ZBTB7C: variants seen among roughly 807,000 people sequenced by gnomAD.
ZBTB7C encodes the protein zinc finger and BTB domain containing 7C.
Under a neutral mutation model 25.7 loss-of-function variants are expected in ZBTB7C, and 8 were observed. The observed-to-expected ratio is 0.31, with a 90% confidence interval of 0.18 to 0.56. ZBTB7C has a LOEUF of 0.56. Among genes scored for constraint, ZBTB7C ranks in the 20% least tolerant of loss-of-function variants. The pLI, the probability that ZBTB7C is intolerant of heterozygous loss-of-function variation, is 0.91. For synonymous variants in ZBTB7C, 394 were observed against 369.0 expected (o/e 1.07, Z -0.78); for missense variants, 824 against 855.2 (o/e 0.96, Z 0.46).
At chr18:48,036,959 G>A (rs1024163397) in intron 4 of ZBTB7C, among the ~76,000 whole-genome samples, 2 of 152,354 alleles carry the variant, frequency 1.3e-5, no homozygotes, top group Non-Finnish European at 2.9e-5. Context: ...TCCAGAGATG[G>A]GGTGAGAAGC....
chr18:48,105,046 TTC>T (rs1189982376), intron 3 of ZBTB7C, among the ~76,000 whole-genome samples: 1 of 152,222 alleles, frequency 6.6e-6, no homozygotes, highest in Non-Finnish European at 1.5e-5. Flanking sequence ...GGGGATGTCT[TTC>T]AACAGGATAG....
At chr18:48,335,458 T>G (rs967545421) in intron 2 of ZBTB7C, among the ~76,000 whole-genome samples, 20 of 152,138 alleles carry the variant, frequency 1.3e-4, no homozygotes, top group Non-Finnish European at 4.4e-5. Flanking sequence ...GAGTCCTGAA[T>G]CCAGTTGCTG....
At chr18:48,067,734 G>A (rs1221826706) in intron 3 of ZBTB7C, among the ~76,000 whole-genome samples, 1 of 152,170 alleles carries the variant, frequency 6.6e-6, no homozygotes, top group Non-Finnish European at 1.5e-5. Context: ...GGGCATGGTG[G>A]CTCATGCCTG....
chr18:48,087,053 G>A (rs755710605), intron 3 of ZBTB7C, among the ~76,000 whole-genome samples: 2 of 152,186 alleles, frequency 1.3e-5, no homozygotes, highest in Non-Finnish European at 2.9e-5. Context: ...AACACTGAAA[G>A]TCAGAAATGT....
At chr18:48,194,767 G>A (rs1044101926) in intron 2 of ZBTB7C, among the ~76,000 whole-genome samples, 1 of 152,022 alleles carries the variant, frequency 6.6e-6, no homozygotes, top group Non-Finnish European at 1.5e-5. Context: ...CCAAATGCCC[G>A]CCAGCTGACT....
At chr18:48,382,809 G>A (rs941584763) in intron 1 of ZBTB7C, among the ~76,000 whole-genome samples, 2 of 152,176 alleles carry the variant, frequency 1.3e-5, no homozygotes, top group African/African-American at 4.8e-5. Flanking sequence ...AATGGCCCAT[G>A]GAATAACAGA....
chr18:48,378,413 A>C (rs1186553867), intron 1 of ZBTB7C, among the ~76,000 whole-genome samples: 1 of 152,090 alleles, frequency 6.6e-6, no homozygotes, highest in East Asian at 1.9e-4. Flanking sequence ...TCAGCACATT[A>C]CCCTCCAGGC....
chr18:48,143,100 T>G (rs1445930110), intron 3 of ZBTB7C, among the ~76,000 whole-genome samples: 2 of 152,154 alleles, frequency 1.3e-5, no homozygotes, highest in African/African-American at 4.8e-5. Context: ...GGCAAACCAC[T>G]TTTCCATCTC....
intron 2 of ZBTB7C, among the ~76,000 whole-genome samples, chr18:48,294,517 G>A (rs1456298008): frequency 6.6e-6 from 1 of 152,100 alleles, no homozygotes; most frequent in Non-Finnish European, 1.5e-5. Context: ...TGTCCCTGCC[G>A]CTCCTACAAT....
intron 2 of ZBTB7C, among the ~76,000 whole-genome samples, chr18:48,268,845 T>C (rs938442106): frequency 7.2e-5 from 11 of 152,238 alleles, no homozygotes; most frequent in Admixed American, 6.5e-4. Context: ...TAAAATATCT[T>C]AGACTGGGTA....
At chr18:48,318,722 C>A (rs1476668433) in intron 2 of ZBTB7C, among the ~76,000 whole-genome samples, 2 of 152,222 alleles carry the variant, frequency 1.3e-5, no homozygotes, top group Non-Finnish European at 2.9e-5. Context: ...GTGCCCAGCC[C>A]TCAGGCTCCG....
chr18:48,260,308 A>C (rs1279842456), intron 2 of ZBTB7C, among the ~76,000 whole-genome samples: 3 of 152,254 alleles, frequency 2.0e-5, no homozygotes, highest in Non-Finnish European at 4.4e-5. Context: ...GTAATGACAG[A>C]AAGAAGATCT....
At chr18:48,157,470 C>T (rs184605097) in intron 3 of ZBTB7C, among the ~76,000 whole-genome samples, 3 of 152,268 alleles carry the variant, frequency 2.0e-5, no homozygotes, top group South Asian at 2.1e-4. Context: ...CTTCTGTCTG[C>T]GGAGCCCTTC....
upstream of ZBTB7C, chr18:48,410,618 C>T (rs1036124374): frequency 6.5e-6 from 1 of 152,686 alleles, no homozygotes; most frequent in African/African-American, 2.4e-5. Flanking sequence ...CGAGGCGACA[C>T]TTGGGCAGAT....
At chr18:48,410,358 C>A (rs369309874), upstream of ZBTB7C, among the ~76,000 whole-genome samples, 2 of 152,172 alleles carry the variant, frequency 1.3e-5, no homozygotes, top group Non-Finnish European at 1.5e-5. Context: ...GCTGGCCGCC[C>A]GTCACTCCCC....
rs192299218 is a variant in ZBTB7C, at chr18:48,397,358, C to T, written c.-304+11868G>A. Among the ~76,000 whole-genome samples, 33 of 152,240 alleles carry T rather than the reference C, an allele frequency of 2.2e-4. No individual in the cohort carries two copies. The East Asian group carries it at 5.0e-3, about 23-fold the overall frequency. ...AGCTTGGCCCCCATCATGTTGGTCC[C>T]GCTACCATTCCTTTGTACAGGCGGT... On this transcript the variant is annotated intron_variant, in intron 1 of 4. Transcript: ENST00000590800.
chr18:48,239,729 C>T (rs891169221), intron 2 of ZBTB7C, among the ~76,000 whole-genome samples: 5 of 152,134 alleles, frequency 3.3e-5, no homozygotes, highest in African/African-American at 1.2e-4. Context: ...CCTTGAGCCC[C>T]GGATCTTTCC....
intron 3 of ZBTB7C, chr18:48,150,164 C>T (rs1339685394): frequency 2.0e-5 from 3 of 152,120 alleles, no homozygotes; most frequent in Non-Finnish European, 4.4e-5. Flanking sequence ...TATTATTATT[C>T]TCTTTTCATA....
intron 2 of ZBTB7C, among the ~76,000 whole-genome samples, chr18:48,285,617 G>T (rs114384906): frequency 0.037 from 5,670 of 152,232 alleles, 189 homozygotes; most frequent in African/African-American, 0.088. Context: ...CTCTCAAAGT[G>T]CTGGGATTAC....
Sources: gnomAD v4.1 joint callset for allele counts (sites outside exome capture counted in the v4.1 genomes callset) on GRCh38, gnomAD v4.1.1 for gene constraint, MANE v1.5 for transcripts, NCBI Gene and HGNC (gene_info 2026-07-23, HGNC 2026-07-21) for gene names.